LDLRAD4: variants seen among roughly 807,000 people sequenced by gnomAD.
LDLRAD4 encodes the protein low-density lipoprotein receptor class A domain-containing protein 4.
A neutral mutation model predicts 17.0 loss-of-function variants in LDLRAD4; 5 were observed. That is an observed-to-expected ratio of 0.29 (90% CI 0.15 to 0.62). The LOEUF (loss-of-function observed/expected upper bound fraction) is 0.62. Among genes scored for constraint, LDLRAD4 ranks in the 20% least tolerant of loss-of-function variants. The pLI is 0.84. For synonymous variants in LDLRAD4, 168 were observed against 171.8 expected, an observed-to-expected ratio of 0.98 and a Z score of 0.17; for missense variants, 340 against 424.7, an observed-to-expected ratio of 0.80 and a Z score of 1.75.
At chr18:13,555,252 A>G (rs368145855) in intron 3 of LDLRAD4, among the ~76,000 whole-genome samples, 1 of 152,224 alleles carries the variant, frequency 6.6e-6, no homozygotes. Context: ...TAAACTATAG[A>G]CTTTAGTTAA....
chr18:13,619,518 G>T (rs1291408377), intron 3 of LDLRAD4, among the ~76,000 whole-genome samples: 1 of 148,180 alleles, frequency 6.7e-6, no homozygotes, highest in Non-Finnish European at 1.5e-5. Flanking sequence ...GTGGGGCCGG[G>T]GGGGGGCGGG....
chr18:13,328,750 A>G (rs1300695791), intron 1 of LDLRAD4, among the ~76,000 whole-genome samples: 2 of 152,256 alleles, frequency 1.3e-5, no homozygotes, highest in African/African-American at 2.4e-5. Context: ...CTCAAAAAAC[A>G]TATAAAAAGA....
At position 13,440,721 on chromosome 18, in the gene LDLRAD4, A is replaced by G. The variant is rs937310783; in HGVS notation, c.181+2337A>G. ...TAAGCATCTAAAGGAAAGAACGTCC[A>G]TGGGAAACACAGTCTATGTCATCGT... On this transcript the variant is annotated intron_variant, in intron 3 of 5. Coordinates refer to ENST00000359446, the Ensembl canonical transcript of LDLRAD4. The surrounding 1 kb of genome is among the most constrained non-coding windows in gnomAD (Gnocchi z 4.4). Among the ~76,000 whole-genome samples, 6 of 152,216 alleles carry G rather than the reference A, an allele frequency of 3.9e-5. No homozygotes were observed. The highest frequency in any genetic ancestry group is 1.4e-4 in the African/African-American group (6 of 41,458).
chr18:13,495,099 C>G (rs1470415394), intron 3 of LDLRAD4, among the ~76,000 whole-genome samples: 1 of 152,112 alleles, frequency 6.6e-6, no homozygotes, highest in Admixed American at 6.5e-5. Flanking sequence ...AAAATGACCT[C>G]TGAATATACA....
intron 3 of LDLRAD4, among the ~76,000 whole-genome samples, chr18:13,606,859 A>G (rs1305041041): frequency 6.6e-6 from 1 of 152,250 alleles, no homozygotes; most frequent in African/African-American, 2.4e-5. Flanking sequence ...TGTAATGGGC[A>G]GAGCCATCGA....
chr18:13,434,586 T>G (rs974635852), intron 2 of LDLRAD4, among the ~76,000 whole-genome samples: 1 of 152,200 alleles, frequency 6.6e-6, no homozygotes, highest in African/African-American at 2.4e-5. Context: ...TCCATTGTCT[T>G]TCTCTGACTT....
intron 2 of LDLRAD4, among the ~76,000 whole-genome samples, chr18:13,400,147 TG>T (rs1343249677): frequency 5.3e-5 from 8 of 152,170 alleles, no homozygotes; most frequent in African/African-American, 1.9e-4. Context: ...ATGACAAAAC[TG>T]GAAAATATTT....
At chr18:13,311,939 C>G (rs1431932188) in intron 1 of LDLRAD4, among the ~76,000 whole-genome samples, 1 of 151,450 alleles carries the variant, frequency 6.6e-6, no homozygotes, top group Admixed American at 6.6e-5. Context: ...TCACGCCATT[C>G]TCCTGCCTCA....
At chr18:13,415,792 C>T (rs920461567) in intron 2 of LDLRAD4, among the ~76,000 whole-genome samples, 1 of 152,212 alleles carries the variant, frequency 6.6e-6, no homozygotes, top group African/African-American at 2.4e-5. Flanking sequence ...CCCGGTGTCC[C>T]AGCCCAGCAG....
intron 1 of LDLRAD4, among the ~76,000 whole-genome samples, chr18:13,247,991 C>T (rs1321273403): frequency 1.4e-5 from 2 of 144,080 alleles, no homozygotes; most frequent in Non-Finnish European, 3.0e-5. Flanking sequence ...GACAGAGTCT[C>T]CCTCTCTTGC....
At chr18:13,397,638 A>G (rs1227508562) in intron 2 of LDLRAD4, among the ~76,000 whole-genome samples, 1 of 152,054 alleles carries the variant, frequency 6.6e-6, no homozygotes, top group Non-Finnish European at 1.5e-5. Context: ...GTCTCTTGTT[A>G]TCTTGTCTGT....
rs577219413 is a variant in LDLRAD4 at position 13,409,302 on chromosome 18, G to A, written c.40+21540G>A. Among the ~76,000 whole-genome samples, 4 of 152,356 alleles carry A rather than the reference G, an allele frequency of 2.6e-5. No homozygotes were observed. In the East Asian group the frequency reaches 7.7e-4, roughly 29 times the overall value. Reference sequence around the variant, plus strand: ...GTAGGCTGCTGCCTCCCCTCCCAGGGAAGGGGGAGATGTGTGGGGGCCCCC... The same window carrying A: ...GTAGGCTGCTGCCTCCCCTCCCAGGAAAGGGGGAGATGTGTGGGGGCCCCC... On this transcript the variant is annotated intron_variant, in intron 2 of 5. Transcript: ENST00000359446.
chr18:13,272,138 C>T (rs895394377), intron 1 of LDLRAD4, among the ~76,000 whole-genome samples: 4 of 152,166 alleles, frequency 2.6e-5, no homozygotes, highest in Admixed American at 2.6e-4. Flanking sequence ...TCGTGATCCA[C>T]CCGCCTCAGC....
intron 1 of LDLRAD4, among the ~76,000 whole-genome samples, chr18:13,319,684 A>G (rs1568002219): frequency 6.6e-6 from 1 of 152,208 alleles, no homozygotes; most frequent in Non-Finnish European, 1.5e-5. Flanking sequence ...ACTTATTTTC[A>G]GCCAAAAGAG....
At chr18:13,444,526 G>A (rs2091254509) in intron 3 of LDLRAD4, among the ~76,000 whole-genome samples, 1 of 152,230 alleles carries the variant, frequency 6.6e-6, no homozygotes, top group South Asian at 2.1e-4. Flanking sequence ...TTTTCGGGGA[G>A]TTGAAAGTTA....
intron 3 of LDLRAD4, among the ~76,000 whole-genome samples, chr18:13,442,115 CAAATA>C (rs1336068421): frequency 6.6e-6 from 1 of 152,148 alleles, no homozygotes; most frequent in East Asian, 1.9e-4. Flanking sequence ...GTTATTTACA[CAAATA>C]AAATAATTAT....
intron 3 of LDLRAD4, among the ~76,000 whole-genome samples, chr18:13,446,627 G>C (rs1053438628): frequency 3.5e-4 from 54 of 152,230 alleles, no homozygotes; most frequent in African/African-American, 1.3e-3. Flanking sequence ...GTATGACCCA[G>C]AAGCCAGCTC....
At chr18:13,261,424 GCA>G (rs1473122627) in intron 1 of LDLRAD4, among the ~76,000 whole-genome samples, 1 of 152,238 alleles carries the variant, frequency 6.6e-6, no homozygotes, top group Non-Finnish European at 1.5e-5. Context: ...AAAATGCCCA[GCA>G]CAGTGCCTGC....
In LDLRAD4 at chr18:13,343,901, T is replaced by C. The variant is rs561324358; in HGVS notation, c.-382-43440T>C. On this transcript the variant is annotated intron_variant, in intron 1 of 5. Transcript: ENST00000359446. ...TCTTCTTTTGAGAAGTGTCTGTTCA[T>C]ATCCTTCACCCACTTTTTGATGGGG... 4.9e-4 allele frequency among the ~76,000 whole-genome samples: 74 copies of C among 152,380 alleles called. 1 individual carries two copies. In the South Asian group the frequency reaches 0.012, roughly 25 times the overall value.
Sources: gnomAD v4.1 joint callset for allele counts (sites outside exome capture counted in the v4.1 genomes callset) on GRCh38, gnomAD v4.1.1 for gene constraint, Gnocchi (gnomAD v3.1) non-coding constraint, MANE v1.5 for transcripts, NCBI Gene and HGNC (gene_info 2026-07-23, HGNC 2026-07-21) for gene names.